Variants in TNS2 observed in about 807,000 individuals in gnomAD.
TNS2 encodes the protein tensin-2.
A neutral mutation model predicts 155.7 loss-of-function variants in TNS2; 77 were observed. The ratio of observed to expected loss-of-function variants is 0.49; its 90% CI spans 0.41 to 0.60. The LOEUF (loss-of-function observed/expected upper bound fraction) is 0.60, where lower values mean the gene tolerates loss of function less well. TNS2 is among the 20% of genes least tolerant of loss of function. The pLI, the probability that TNS2 is intolerant of heterozygous loss-of-function variation, is 0.00. For synonymous variants in TNS2, 726 were observed against 763.9 expected (o/e 0.95, Z 0.82); for missense variants, 1,703 against 1,868.8 (o/e 0.91, Z 1.64).
intron 23 of TNS2, 22 bp from the exon 24 acceptor site, chr12:53,062,354 T>C: frequency 2.5e-6 from 4 of 1,613,676 alleles, no homozygotes; most frequent in Non-Finnish European, 2.5e-6. Flanking sequence ...ATCTCGGGAC[T>C]TTCCTACCTC....
chr12:53,049,990 C>T, upstream of TNS2: 1 of 1,385,480 alleles, frequency 7.2e-7, no homozygotes, highest in Non-Finnish European at 9.5e-7. Context: ...CCTCCACTTC[C>T]TGGAGCAGCG....
intron 2 of TNS2, 119 bp from the exon 3 acceptor site, chr12:53,052,336 C>A: frequency 7.6e-7 from 1 of 1,307,610 alleles, no homozygotes; most frequent in Non-Finnish European, 1.1e-6. Context: ...CAGCCCAGTC[C>A]AGGTGGGATC....
At chr12:53,057,899 G>T (rs538811211) in intron 13 of TNS2, 66 bp downstream of exon 13, 1 of 1,611,548 alleles carries the variant, frequency 6.2e-7, no homozygotes, top group South Asian at 1.1e-5. Flanking sequence ...CTGCATTCCT[G>T]CTTCTCCAGC....
In TNS2 at chr12:53,055,562, C is replaced by A. The variant is rs1944119149; in HGVS notation, c.574-6C>A. ...GGCCCCAGTTGCACCCCTGCATTCT[C>A]CCCAGGTTCAAGACTTCGGCTGGCC... On this transcript the variant is annotated splice_region_variant and splice_polypyrimidine_tract_variant and intron_variant, in intron 8 of 28. Coordinates refer to ENST00000314250, the MANE Select transcript of TNS2 (RefSeq NM_170754.4). 1 of 1,598,356 alleles carries A rather than the reference C, an allele frequency of 6.3e-7. No homozygotes were observed. The highest frequency in any genetic ancestry group is 1.7e-5 in the Admixed American group (1 of 59,292).
Position 53,059,247 on chromosome 12 carries a change from G to A in TNS2, c.1606G>A (p.Ala536Thr), listed in dbSNP as rs758896262. ...ESPGRPPPTA[A>T]ERQELDRLLG... ...CCCTGGCCGGCCGCCCCCTACAGCTGCTGAACGGCAGGAGCTGGATCGCCT... is the reference window on the plus strand; with the variant it reads ...CCCTGGCCGGCCGCCCCCTACAGCTACTGAACGGCAGGAGCTGGATCGCCT... Residue 536 changes from alanine to threonine, a missense_variant, in exon 18 of 29, where the codon GCT becomes ACT. Physicochemically the swap from Ala to Thr is moderately conservative, Grantham distance 58 (BLOSUM62 0). Coordinates refer to ENST00000314250, the MANE Select transcript of TNS2 (RefSeq NM_170754.4). This position sits in a 1 kb window ranked among gnomAD's most constrained non-coding sequence, Gnocchi z 4.7. 1 of 1,524,628 alleles carries A rather than the reference G, an allele frequency of 6.6e-7. No homozygotes were observed. The highest frequency in any genetic ancestry group is 8.7e-7 in the Non-Finnish European group (1 of 1,145,104). The allele number at this position is 1,524,628 out of a possible 1,614,324, so 94.4% of individuals were successfully genotyped here. A position where few individuals can be genotyped will look rare whatever the true frequency, so the allele number is the denominator to read the frequency against.
intron 14 of TNS2, 24 bp from the exon 15 acceptor site, chr12:53,058,292 C>A: frequency 6.2e-7 from 1 of 1,612,900 alleles, no homozygotes; most frequent in Non-Finnish European, 8.5e-7. Flanking sequence ...AGGCCTGATC[C>A]GCAGCCTCCT....
At position 53,060,051 on chromosome 12, in the gene TNS2, C is replaced by G. The variant is rs143437824; in HGVS notation, c.2410C>G (p.Arg804Gly). Residue 804 changes from arginine to glycine, a missense_variant, in exon 18 of 29, where the codon CGT (arginine) becomes GGT (glycine). By Grantham distance (125) the Arg-to-Gly change is moderately radical. Transcript: ENST00000314250. The surrounding 1 kb of genome is among the most constrained non-coding windows in gnomAD (Gnocchi z 6.1). Reference sequence around the variant, plus strand: ...TCCCAGTTACTGCCCAGCATATGGCCGTGTGCCTCATAGCTGTGGCTCTCC... The same window carrying G: ...TCCCAGTTACTGCCCAGCATATGGCGGTGTGCCTCATAGCTGTGGCTCTCC... The part of the protein sequence containing the change: ...AVPSYCPAYG[R>G]VPHSCGSPGE... 6.2e-7 allele frequency: 1 copy of G among 1,613,332 alleles called. No individual in the cohort carries two copies. The highest frequency in any genetic ancestry group is 1.3e-5 in the African/African-American group (1 of 74,924).
At position 53,054,451 on chromosome 12, in the gene TNS2, GGGGCCA is replaced by G. The variant is rs1944061823; in HGVS notation, c.522+11_522+16del. 3.1e-6 allele frequency: 5 copies of G among 1,588,584 alleles called. No homozygotes were observed. The highest frequency in any genetic ancestry group is 4.3e-6 in the Non-Finnish European group (5 of 1,170,724). ...CCGGGACAAGTACCTGGTGAGGGGC[GGGGCCA>G]TCAGGAGTCCGCCAATGAGAGGGAT... On this transcript the variant is annotated intron_variant, in intron 7 of 28. Transcript: ENST00000314250.
Position 53,063,125 on chromosome 12 carries a change from A to G in TNS2, c.3860A>G (p.Glu1287Gly). 6.3e-7 allele frequency: 1 copy of G among 1,588,668 alleles called. No homozygotes were observed. Among genetic ancestry groups the G allele is most frequent in the Non-Finnish European group, 8.6e-7 (1 of 1,168,474 alleles). Residue 1287 changes from glutamate (E) to glycine (G), a missense_variant, in exon 26 of 29, where the codon GAG becomes GGG. By Grantham distance (98) the Glu-to-Gly change is moderately conservative. Transcript: ENST00000314250. The surrounding 1 kb of genome is among the most constrained non-coding windows in gnomAD (Gnocchi z 5.6). Reference protein sequence around the residue: ...SVLYLTSVETESLTGPQAVAR... With the variant: ...SVLYLTSVETGSLTGPQAVAR... ...CTCTACTTGACCTCAGTGGAGACAG[A>G]GTCACTGACGGGCCCCCAAGCTGTG...
chr12:53,054,121 C>A, intron 6 of TNS2, 107 bp downstream of exon 6: 2 of 1,572,382 alleles, frequency 1.3e-6, no homozygotes, highest in Non-Finnish European at 1.7e-6. Context: ...AGCCCCCCAC[C>A]CCCAAAGCGG....
chr12:53,054,486 G>A (rs1219892719), intron 7 of TNS2, 45 bp downstream of exon 7: 3 of 1,529,440 alleles, frequency 2.0e-6, no homozygotes, highest in African/African-American at 1.4e-5. Flanking sequence ...GAGGGATGTA[G>A]GGTCCAGATG....
intron 7 of TNS2, among the ~76,000 whole-genome samples, chr12:53,054,953 G>T (rs11170387): frequency 0.38 from 56,902 of 149,122 alleles, 11,922 homozygotes; most frequent in East Asian, 0.86. Flanking sequence ...CCGGCAAATT[G>T]TTGTAATTTT....
chr12:53,052,085 G>A, intron 2 of TNS2, 122 bp downstream of exon 2: 1 of 861,392 alleles, frequency 1.2e-6, no homozygotes, highest in Non-Finnish European at 1.8e-6. Context: ...AGGCACAATG[G>A]CAGCTAAGAA....
upstream of TNS2, chr12:53,049,981 C>G (rs1355279334): frequency 9.7e-6 from 13 of 1,341,638 alleles, no homozygotes; most frequent in East Asian, 2.6e-5. Flanking sequence ...ATCCTCCCCC[C>G]TCCACTTCCT....
chr12:53,059,174 C>T lies in TNS2; in HGVS notation c.1533C>T (p.Ser511=), dbSNP rs777773270. 5.0e-6 allele frequency: 8 copies of T among 1,599,980 alleles called. No homozygotes were observed. The highest frequency in any genetic ancestry group is 5.1e-6 in the Non-Finnish European group (6 of 1,177,558). The change falls in exon 18 of 29, where the codon AGC becomes AGT. Residue 511 remains serine, a synonymous_variant. Transcript: ENST00000314250. The surrounding 1 kb of genome is among the most constrained non-coding windows in gnomAD (Gnocchi z 4.7). The part of the protein sequence containing the change: ...PPPPPMLSVS[S]DSGHSSTLTT... ...CACCCCCCATGCTCTCTGTCAGCAGCGACTCAGGCCATTCCTCCACGCTGA... is the reference window on the plus strand; with the variant it reads ...CACCCCCCATGCTCTCTGTCAGCAGTGACTCAGGCCATTCCTCCACGCTGA...
At chr12:53,058,501 G>A in intron 15 of TNS2, 56 bp downstream of exon 15, 1 of 1,611,964 alleles carries the variant, frequency 6.2e-7, no homozygotes. Context: ...CAGGTGGCAG[G>A]CAGGTGGCAG....
rs969376084 is a variant in TNS2, at chr12:53,064,189, G to A, written c.*307G>A. 77 of 352,214 alleles carry A rather than the reference G, an allele frequency of 2.2e-4. No individual in the cohort carries two copies. The highest frequency in any genetic ancestry group is 1.4e-3 in the African/African-American group (70 of 48,370). The allele number at this position is 352,214 out of a possible 1,614,324, so 21.8% of individuals were successfully genotyped here. The stretch of plus-strand genomic sequence containing the variant: ...CAGCCCCACCTGCAGGAGAACGTCA[G>A]CCCTCCAGGGGATCAGCCCCTGCCA... On this transcript the variant is annotated 3_prime_UTR_variant, in exon 29 of 29. Transcript: ENST00000314250.
Position 53,055,761 on chromosome 12 carries a change from C to T in TNS2, c.697-20C>T. The T allele has an allele frequency of 1.2e-6, 2 of 1,614,202 alleles. No homozygotes were observed. Among genetic ancestry groups the T allele is most frequent in the South Asian group, 2.2e-5 (2 of 91,074 alleles). On this transcript the variant is annotated intron_variant, in intron 9 of 28. Coordinates refer to ENST00000314250, the MANE Select transcript of TNS2 (RefSeq NM_170754.4). ...AGCCTGGAGCTCCCAGACCCTCATC[C>T]CTGTCTCTCTGTCTGTCAGGGAAAC...
Position 53,062,410 on chromosome 12 carries a change from C to A in TNS2, c.3702C>A (p.Ile1234=). 1 of 1,614,034 alleles carries A rather than the reference C, an allele frequency of 6.2e-7. No individual in the cohort carries two copies. Among genetic ancestry groups the A allele is most frequent in the Non-Finnish European group, 8.5e-7 (1 of 1,179,968 alleles). The change falls in exon 24 of 29, where the codon ATC becomes ATA. Residue 1234 remains isoleucine (I), a synonymous_variant. Coordinates refer to ENST00000314250, the MANE Select transcript of TNS2 (RefSeq NM_170754.4). ...CCGCCTTGGTCTCCCAGCACTCCATCTCCCCCATCTCCCTGCCCTGCTGCC... is the reference window on the plus strand; with the variant it reads ...CCGCCTTGGTCTCCCAGCACTCCATATCCCCCATCTCCCTGCCCTGCTGCC... ...SLSALVSQHS[I]SPISLPCCLR...
Sources: allele counts gnomAD v4.1 joint callset (sites outside exome capture counted in the v4.1 genomes callset), GRCh38; gene constraint gnomAD v4.1.1; non-coding constraint Gnocchi (gnomAD v3.1); transcripts MANE v1.5; gene names NCBI Gene and HGNC (gene_info 2026-07-23, HGNC 2026-07-21).